The following FYB1 variants were observed in gnomAD, a reference collection of about 807,000 sequenced individuals.
FYB1 encodes FYN binding protein 1.
FYB1 carries 41 observed loss-of-function variants against 94.1 expected under a neutral mutation model. That is an observed-to-expected ratio of 0.44 (90% CI 0.34 to 0.57). The LOEUF is 0.57. Among genes scored for constraint, FYB1 ranks in the 20% least tolerant of loss-of-function variants. The pLI is 0.02. For missense variants in FYB1, 1,050 were observed against 976.8 expected (o/e 1.07, Z -1.00); for synonymous variants, 367 against 353.2 (o/e 1.04, Z -0.44).
rs57111701 is a variant in FYB1, at chr5:39,182,287, A to ATGTG, written c.1135+19535_1135+19538dup. Among the ~76,000 whole-genome samples, 7 of 140,304 alleles carry ATGTG rather than the reference A, an allele frequency of 5.0e-5. No individual in the cohort carries two copies. The East Asian group carries it at 1.3e-3, about 27-fold the overall frequency. The allele number at this position is 140,304 out of a possible 152,430, so 92.0% of individuals were successfully genotyped here. A position where few individuals can be genotyped will look rare whatever the true frequency, so the allele number is the denominator to read the frequency against. ...ATGCTTTTTGTGTGTGTGTGCATGC[A>ATGTG]TGTGTGTGTGTGTGTGTGTGTGTGT... On this transcript the variant is annotated intron_variant, in intron 2 of 18. Coordinates refer to ENST00000512982, the MANE Select transcript of FYB1 (RefSeq NM_001465.6).
intron 1 of FYB1, chr5:39,270,602 C>T (rs1490747777): frequency 2.0e-6 from 3 of 1,534,214 alleles, no homozygotes; most frequent in Non-Finnish European, 2.6e-6. Flanking sequence ...ATGCCTGGCA[C>T]ACAATGACCC....
intron 1 of FYB1, chr5:39,208,734 G>C (rs1400021828): frequency 6.6e-6 from 1 of 152,160 alleles, no homozygotes; most frequent in African/African-American, 2.4e-5. Context: ...CTGGTTAGGA[G>C]ACCCAGGTTC....
At chr5:39,161,820 C>T (rs991120651) in intron 2 of FYB1, among the ~76,000 whole-genome samples, 1 of 152,052 alleles carries the variant, frequency 6.6e-6, no homozygotes, top group African/African-American at 2.4e-5. Context: ...AAAAATAAAC[C>T]CCTGTACTTA....
chr5:39,215,219 A>G lies in FYB1; in HGVS notation c.-28+4224T>C, dbSNP rs148138967. 3.1e-3 allele frequency among the ~76,000 whole-genome samples: 473 copies of G among 152,220 alleles called. 3 individuals are homozygous for G. Among genetic ancestry groups the G allele is most frequent in the Middle Eastern group, 0.024 (7 of 294 alleles). On this transcript the variant is annotated intron_variant, in intron 1 of 18. Transcript: ENST00000512982. ...ATTTTACCATAATTAAAAATTCAATAAGAATGTTAAAAAAGGTGTTTGAAG... is the reference window on the plus strand; with the variant it reads ...ATTTTACCATAATTAAAAATTCAATGAGAATGTTAAAAAAGGTGTTTGAAG...
chr5:39,124,912 A>G (rs1156939331), intron 12 of FYB1, among the ~76,000 whole-genome samples: 3 of 115,564 alleles, frequency 2.6e-5, no homozygotes, highest in Non-Finnish European at 5.1e-5. Context: ...TTCTAAATAC[A>G]CTCCACACAC....
intron 1 of FYB1, among the ~76,000 whole-genome samples, chr5:39,205,006 G>A (rs1030528692): frequency 1.4e-4 from 22 of 152,244 alleles, no homozygotes; most frequent in African/African-American, 5.1e-4. Context: ...GGAGAATTTG[G>A]GTGCTTGGGG....
chr5:39,132,583 GT>G, intron 9 of FYB1, among the ~76,000 whole-genome samples: 1 of 152,140 alleles, frequency 6.6e-6, no homozygotes, highest in Non-Finnish European at 1.5e-5. Context: ...GGTTTTTAGA[GT>G]CGTGGTATGT....
chr5:39,244,580 G>A (rs1039160321), intron 1 of FYB1, among the ~76,000 whole-genome samples: 6 of 150,118 alleles, frequency 4.0e-5, no homozygotes, highest in African/African-American at 1.5e-4. Context: ...ATGCTCATCG[G>A]GGATATTGGT....
At chr5:39,227,956 C>A (rs1750555258) in intron 1 of FYB1, among the ~76,000 whole-genome samples, 2 of 152,130 alleles carry the variant, frequency 1.3e-5, no homozygotes, top group African/African-American at 4.8e-5. Flanking sequence ...AGAGGGCCAA[C>A]TGGGAACTGG....
rs773877131 is a variant in FYB1, at chr5:39,202,503, G to C, written c.458C>G (p.Pro153Arg). Reference sequence around the variant, plus strand: ...GGTTGGAGGAGTAGGCCCAGATTTCGGGCCTAGTGGCTTTAAGTCATGGTC... The same window carrying C: ...GGTTGGAGGAGTAGGCCCAGATTTCCGGCCTAGTGGCTTTAAGTCATGGTC... ...NQDHDLKPLG[P>R]KSGPTPPTSE... Residue 153 changes from proline to arginine, a missense_variant, in exon 2 of 19, where the codon CCG (proline) becomes CGG (arginine). Transcript: ENST00000512982. The C allele has an allele frequency of 1.9e-6, 3 of 1,613,800 alleles. No homozygotes were observed. The highest frequency in any genetic ancestry group is 2.5e-6 in the Non-Finnish European group (3 of 1,179,882).
chr5:39,250,955 A>G lies in FYB1; in HGVS notation c.-28+23448T>C, dbSNP rs547937578. 131 of 152,344 alleles carry G rather than the reference A, an allele frequency of 8.6e-4. 3 individuals carry two copies. Among genetic ancestry groups the G allele is most frequent in the African/African-American group, 3.0e-3 (123 of 41,586 alleles). 9.4% of individuals were successfully genotyped at this position (152,344 alleles called of 1,614,324 possible). A position where few individuals can be genotyped will look rare whatever the true frequency, so the allele number is the denominator to read the frequency against. On this transcript the variant is annotated intron_variant, in intron 1 of 1. Coordinates refer to the FYB1 transcript ENST00000510188. The stretch of plus-strand genomic sequence containing the variant: ...CTTAATAAAGAAACCAAATATTAAC[A>G]TCTTTAAGATGGAATCATGTCATTT...
intron 16 of FYB1, chr5:39,110,735 T>G (rs1738994446): frequency 3.4e-6 from 1 of 298,032 alleles, no homozygotes; most frequent in South Asian, 3.2e-5. Flanking sequence ...AGGAAGAATT[T>G]AGTAAGCATA....
chr5:39,182,303 G>GCA (rs1194260251), intron 2 of FYB1, among the ~76,000 whole-genome samples: 11 of 3,050 alleles, frequency 3.6e-3, no homozygotes, highest in African/African-American at 8.6e-3. Flanking sequence ...GTGTGTGTGT[G>GCA]TGTGTGTGTG....
chr5:39,234,203 G>T (rs1750862761), intron 1 of FYB1, among the ~76,000 whole-genome samples: 1 of 152,064 alleles, frequency 6.6e-6, no homozygotes, highest in Non-Finnish European at 1.5e-5. Flanking sequence ...AAGAGTATGA[G>T]AAAAGGTCAT....
chr5:39,106,179 A>C lies in FYB1; in HGVS notation c.*1264T>G, dbSNP rs1049479547. On this transcript the variant is annotated 3_prime_UTR_variant, in exon 19 of 19. Transcript: ENST00000512982. ...TAATTGGTAGTGAAGAGTTGGAAAA[A>C]CTTACTTAGTCTAATATTGTAATTT... The C allele has an allele frequency of 1.3e-5, 2 of 152,118 alleles. No individual in the cohort carries two copies. The highest frequency in any genetic ancestry group is 2.4e-5 in the African/African-American group (1 of 41,426). The allele number at this position is 152,118 out of a possible 1,614,324, so 9.4% of individuals were successfully genotyped here. A position where few individuals can be genotyped will look rare whatever the true frequency, so the allele number is the denominator to read the frequency against.
intron 3 of FYB1, among the ~76,000 whole-genome samples, chr5:39,150,549 A>G (rs1743155543): frequency 6.6e-6 from 1 of 152,200 alleles, no homozygotes; most frequent in African/African-American, 2.4e-5. Flanking sequence ...TGAGATCTTT[A>G]GATCTGTTGT....
At chr5:39,144,731 G>A (rs923632103) in intron 3 of FYB1, among the ~76,000 whole-genome samples, 4 of 152,174 alleles carry the variant, frequency 2.6e-5, no homozygotes, top group Non-Finnish European at 4.4e-5. Context: ...GAACCCGGGA[G>A]GTGGAGATTG....
At chr5:39,139,063 T>A in intron 5 of FYB1, 170 bp downstream of exon 5, 1 of 689,604 alleles carries the variant, frequency 1.5e-6, no homozygotes, top group Non-Finnish European at 2.3e-6. Context: ...GTGTGATGAC[T>A]AGTGTGTAAC....
chr5:39,182,968 G>A (rs1348838951), intron 2 of FYB1, among the ~76,000 whole-genome samples: 4 of 152,314 alleles, frequency 2.6e-5, no homozygotes, highest in Non-Finnish European at 5.9e-5. Context: ...GCAAAACTAA[G>A]TTGACAAAGT....
Sources: allele counts gnomAD v4.1 joint callset (sites outside exome capture counted in the v4.1 genomes callset), GRCh38; gene constraint gnomAD v4.1.1; transcripts MANE v1.5; gene names NCBI Gene and HGNC (gene_info 2026-07-23, HGNC 2026-07-21).